The following CTIF variants were observed in gnomAD, a reference collection of about 807,000 sequenced individuals.
The protein encoded by CTIF is CBP80/20-dependent translation initiation factor.
In CTIF, 21 loss-of-function variants were observed where a neutral mutation model predicts 66.0. That is an observed-to-expected ratio of 0.32 (90% CI 0.23 to 0.46). CTIF has a LOEUF of 0.46. Among genes scored for constraint, CTIF ranks in the 20% least tolerant of loss-of-function variants. CTIF has a pLI of 1.00. For synonymous variants in CTIF, 345 were observed against 326.4 expected (o/e 1.06, Z -0.62); for missense variants, 739 against 812.7 (o/e 0.91, Z 1.10).
At chr18:48,540,698 C>A (rs958989717) in intron 1 of CTIF, among the ~76,000 whole-genome samples, 1 of 152,036 alleles carries the variant, frequency 6.6e-6, no homozygotes, top group Non-Finnish European at 1.5e-5. Context: ...CTCCCCCGCC[C>A]GGCTGTTTGT....
intron 5 of CTIF, among the ~76,000 whole-genome samples, chr18:48,669,073 A>G (rs1426072888): frequency 6.6e-6 from 1 of 151,920 alleles, no homozygotes; most frequent in Non-Finnish European, 1.5e-5. Flanking sequence ...TGGCCATAGG[A>G]CTTTTATGAC....
intron 6 of CTIF, among the ~76,000 whole-genome samples, chr18:48,679,092 CAG>C (rs1180557919): frequency 6.6e-6 from 1 of 152,112 alleles, no homozygotes; most frequent in Non-Finnish European, 1.5e-5. Context: ...AGAATATAAA[CAG>C]AACAAAAAAG....
intron 6 of CTIF, among the ~76,000 whole-genome samples, chr18:48,695,421 C>T (rs1005724862): frequency 1.3e-5 from 2 of 152,202 alleles, no homozygotes; most frequent in Non-Finnish European, 2.9e-5. Flanking sequence ...TGGATGGGCA[C>T]TCGCTGCCGT....
intron 1 of CTIF, among the ~76,000 whole-genome samples, chr18:48,595,635 C>T (rs2089975554): frequency 1.3e-5 from 2 of 152,102 alleles, no homozygotes. Context: ...GTATGTTGCC[C>T]ATGCTGGTCT....
intron 3 of CTIF, among the ~76,000 whole-genome samples, chr18:48,637,896 A>G (rs1019371435): frequency 1.4e-4 from 22 of 152,100 alleles, no homozygotes; most frequent in African/African-American, 4.8e-4. Context: ...GCTTCCTCAC[A>G]TAAAACCCAG....
rs746412292 is a variant in CTIF at position 48,758,292 on chromosome 18, G to A, written c.958G>A (p.Glu320Lys). The A allele has an allele frequency of 1.2e-6, 2 of 1,613,424 alleles. No individual in the cohort carries two copies. The highest frequency in any genetic ancestry group is 1.7e-6 in the Non-Finnish European group (2 of 1,179,920). ...RLPPQQSGGP[E>K]VETKRKDSIL... ...GCCCCCACAGCAGTCAGGGGGGCCA[G>A]AGGTTGAGACAAAACGTAAAGACAG... The change falls in exon 8 of 12, where the codon GAG (glutamate) becomes AAG (lysine). Residue 320 changes from glutamate (E) to lysine (K), a missense_variant. By Grantham distance (56) the Glu-to-Lys change is moderately conservative. Coordinates refer to ENST00000256413, the MANE Select transcript of CTIF (RefSeq NM_014772.3).
chr18:48,607,719 G>A (rs1223512526), intron 1 of CTIF, among the ~76,000 whole-genome samples: 2 of 152,150 alleles, frequency 1.3e-5, no homozygotes, highest in Non-Finnish European at 2.9e-5. Flanking sequence ...GGAGCAGTGG[G>A]ACATCCCTGG....
intron 1 of CTIF, among the ~76,000 whole-genome samples, chr18:48,564,211 T>C (rs2089229147): frequency 6.6e-6 from 1 of 152,184 alleles, no homozygotes; most frequent in African/African-American, 2.4e-5. Flanking sequence ...TAGAAGATTG[T>C]TCTACAGAGA....
At chr18:48,603,383 A>ATGGATGGATGGATGGATGGG (rs2090136905) in intron 1 of CTIF, among the ~76,000 whole-genome samples, 2 of 147,484 alleles carry the variant, frequency 1.4e-5, no homozygotes, top group African/African-American at 5.0e-5. Context: ...GGATGGATGG[A>ATGGATGGATGGATGGATGGG]TGGATGGATG....
At chr18:48,762,558 T>C (rs1223333050) in intron 9 of CTIF, among the ~76,000 whole-genome samples, 1 of 152,194 alleles carries the variant, frequency 6.6e-6, no homozygotes, top group Non-Finnish European at 1.5e-5. Context: ...CCTTTCCTCC[T>C]ATTTTGTATT....
At chr18:48,819,085 G>A (rs902384845) in intron 10 of CTIF, among the ~76,000 whole-genome samples, 19 of 152,170 alleles carry the variant, frequency 1.2e-4, no homozygotes, top group South Asian at 2.1e-4. Context: ...AGAGCACACA[G>A]TTCTCTCTCG....
intron 9 of CTIF, among the ~76,000 whole-genome samples, chr18:48,770,865 A>T (rs902780735): frequency 6.6e-6 from 1 of 152,174 alleles, no homozygotes; most frequent in Non-Finnish European, 1.5e-5. Flanking sequence ...TCTGAGCCAC[A>T]CCACTCGGAT....
chr18:48,722,433 C>T (rs550842174), intron 7 of CTIF, among the ~76,000 whole-genome samples: 2 of 151,174 alleles, frequency 1.3e-5, no homozygotes, highest in South Asian at 4.2e-4. Flanking sequence ...GTTGCCTAAG[C>T]TGGTCTTGAA....
intron 10 of CTIF, among the ~76,000 whole-genome samples, chr18:48,820,740 C>G (rs981590734): frequency 6.6e-6 from 1 of 152,202 alleles, no homozygotes; most frequent in Non-Finnish European, 1.5e-5. Flanking sequence ...ACCCCCGGGG[C>G]TCCCCTGCAG....
intron 10 of CTIF, among the ~76,000 whole-genome samples, chr18:48,852,233 T>TAAAAAAAAAAAAAAA (rs10591389): frequency 1.5e-5 from 1 of 66,596 alleles, no homozygotes; most frequent in Non-Finnish European, 2.8e-5. Flanking sequence ...GACCCTGTCT[T>TAAAAAAAAAAAAAAA]AAAAAAAAAA....
At chr18:48,783,158 G>A (rs1178323589) in intron 9 of CTIF, among the ~76,000 whole-genome samples, 1 of 152,220 alleles carries the variant, frequency 6.6e-6, no homozygotes, top group East Asian at 1.9e-4. Flanking sequence ...AGGCCTGTTA[G>A]ACACAGGGTC....
rs369021041 is a variant in CTIF at position 48,659,256 on chromosome 18, A to G, written c.253-4496A>G. On this transcript the variant is annotated intron_variant, in intron 3 of 11. Transcript: ENST00000256413. ...CCCTGTGTCCAAGGTGTTGCCCTAT[A>G]CCTACTTCTCCAGAGACTCAGCTTC... Among the ~76,000 whole-genome samples, 127 of 152,178 alleles carry G rather than the reference A, an allele frequency of 8.3e-4. 3 individuals are homozygous for G. The highest frequency in any genetic ancestry group is 3.0e-3 in the African/African-American group (123 of 41,528).
At chr18:48,779,487 AG>A (rs1430385596) in intron 9 of CTIF, among the ~76,000 whole-genome samples, 2 of 152,144 alleles carry the variant, frequency 1.3e-5, no homozygotes, top group Non-Finnish European at 2.9e-5. Context: ...GTGCATCTGG[AG>A]GGGGTCAGTT....
intron 1 of CTIF, among the ~76,000 whole-genome samples, chr18:48,602,559 T>G (rs1277970566): frequency 6.6e-6 from 1 of 152,218 alleles, no homozygotes; most frequent in Non-Finnish European, 1.5e-5. Context: ...TAAGATCTCT[T>G]CTAGTTCTAA....
Sources: gnomAD v4.1 joint callset for allele counts (sites outside exome capture counted in the v4.1 genomes callset) on GRCh38, gnomAD v4.1.1 for gene constraint, MANE v1.5 for transcripts, NCBI Gene and HGNC (gene_info 2026-07-23, HGNC 2026-07-21) for gene names.